ATP10B: variants seen among roughly 807,000 people sequenced by gnomAD.
ATP10B encodes phospholipid-transporting ATPase VB.
In ATP10B, 122 loss-of-function variants were observed where a neutral mutation model predicts 141.2. The ratio of observed to expected loss-of-function variants is 0.86; its 90% CI spans 0.75 to 1.00. The LOEUF (loss-of-function observed/expected upper bound fraction) is 1.00, where lower values mean the gene tolerates loss of function less well. Ranked by LOEUF, ATP10B falls within the 50% of genes least tolerant of loss-of-function variation. ATP10B has a pLI of 0.00. For missense variants in ATP10B, 1,876 were observed against 1,825.3 expected (o/e 1.03, Z -0.51); for synonymous variants, 685 against 692.0 (o/e 0.99, Z 0.16).
intron 9 of ATP10B, among the ~76,000 whole-genome samples, chr5:160,642,931 C>T (rs1759980657): frequency 6.6e-6 from 1 of 152,210 alleles, no homozygotes; most frequent in Non-Finnish European, 1.5e-5. Context: ...ACTCCCATCA[C>T]CTACTCAAGG....
intron 1 of ATP10B, among the ~76,000 whole-genome samples, chr5:160,819,963 A>G (rs1327558050): frequency 2.0e-5 from 3 of 152,054 alleles, no homozygotes; most frequent in Non-Finnish European, 4.4e-5. Context: ...TATCTTAAAG[A>G]CCAAAGAAAC....
chr5:160,760,428 C>T (rs1768947852), intron 2 of ATP10B, among the ~76,000 whole-genome samples: 1 of 152,174 alleles, frequency 6.6e-6, no homozygotes, highest in Non-Finnish European at 1.5e-5. Context: ...GTTGGCAAAA[C>T]AAGGGATTTC....
intron 7 of ATP10B, 137 bp from the exon 8 acceptor site, chr5:160,649,393 G>C: frequency 1.6e-6 from 1 of 643,096 alleles, no homozygotes; most frequent in East Asian, 2.9e-5. Context: ...TAGTTGTAAT[G>C]TGTCAGAAAA....
In ATP10B at chr5:160,565,872, A is replaced by T; in HGVS notation, c.3967T>A (p.Cys1323Ser). ...GCTTTTGAGATTAGAGACTTCCCACAAGTTCCTTGCAGAGACAGGAAAAAG... is the reference window on the plus strand; with the variant it reads ...GCTTTTGAGATTAGAGACTTCCCACTAGTTCCTTGCAGAGACAGGAAAAAG... ...RYFFLSLQGT[C>S]GKSLISKAQK... The change falls in exon 26 of 26, where the codon TGT (cysteine) becomes AGT (serine). Residue 1323 changes from cysteine (C) to serine (S), a missense_variant. Cys to Ser is a moderately radical substitution (Grantham distance 112). Transcript: ENST00000327245. The T allele has an allele frequency of 6.2e-7, 1 of 1,613,164 alleles. No homozygotes were observed. The highest frequency in any genetic ancestry group is 8.5e-7 in the Non-Finnish European group (1 of 1,179,714).
chr5:160,663,267 G>C (rs1414107777), intron 7 of ATP10B, among the ~76,000 whole-genome samples: 8 of 152,268 alleles, frequency 5.3e-5, no homozygotes, highest in South Asian at 4.1e-4. Flanking sequence ...AATACCATTT[G>C]ACCCAGCCAT....
At chr5:160,798,961 A>G (rs1277749824) in intron 1 of ATP10B, among the ~76,000 whole-genome samples, 1 of 152,020 alleles carries the variant, frequency 6.6e-6, no homozygotes, top group African/African-American at 2.4e-5. Context: ...CATGTTAGCC[A>G]GGCTGGTCTT....
At position 160,687,886 on chromosome 5, in the gene ATP10B, G is replaced by T. The variant is rs780552378; in HGVS notation, c.189C>A (p.Ser63=). ...AGGTTCTGTTGCCAGGGTATCTCCT[G>T]GAGACCTCTTCCCAATCTTGATGGA... ...SIFHQDWEEV[S]RRYPGNRTCT... The change falls in exon 5 of 26, where the codon TCC becomes TCA. Residue 63 remains serine, a synonymous_variant. Coordinates refer to ENST00000327245, the MANE Select transcript of ATP10B (RefSeq NM_025153.3). The T allele has an allele frequency of 3.7e-6, 6 of 1,614,034 alleles. No homozygotes were observed. In the Admixed American group the frequency reaches 6.7e-5, roughly 18 times the overall value.
intron 2 of ATP10B, among the ~76,000 whole-genome samples, chr5:160,773,254 G>C (rs951383527): frequency 5.9e-5 from 9 of 152,198 alleles, no homozygotes; most frequent in Admixed American, 2.0e-4. Context: ...AATAGTCGTA[G>C]TCTTAGCTAA....
At chr5:160,612,594 C>T (rs1426719817) in intron 18 of ATP10B, 147 bp downstream of exon 18, 1 of 612,046 alleles carries the variant, frequency 1.6e-6, no homozygotes, top group East Asian at 2.9e-5. Context: ...CTTCCAGGGT[C>T]CTCTAGACTC....
chr5:160,880,388 T>G, the ATP10B span, among the ~76,000 whole-genome samples: 1 of 151,898 alleles, frequency 6.6e-6, no homozygotes, highest in Non-Finnish European at 1.5e-5. Context: ...GATCTATAGG[T>G]TCAATACAAT....
At chr5:160,646,676 G>C (rs970343444) in intron 8 of ATP10B, among the ~76,000 whole-genome samples, 2 of 152,140 alleles carry the variant, frequency 1.3e-5, no homozygotes, top group African/African-American at 2.4e-5. Flanking sequence ...TTGTCTCACT[G>C]TCAGTAGCTT....
At chr5:160,592,765 C>T (rs150835723) in intron 22 of ATP10B, among the ~76,000 whole-genome samples, 1,532 of 152,364 alleles carry the variant, frequency 0.01, 29 homozygotes, top group African/African-American at 0.032. Context: ...AGATTATATC[C>T]TGCACATGGC....
At chr5:160,668,670 T>C (rs2127722921) in intron 7 of ATP10B, among the ~76,000 whole-genome samples, 1 of 152,302 alleles carries the variant, frequency 6.6e-6, no homozygotes, top group South Asian at 2.1e-4. Context: ...GTGGTGGTGG[T>C]TTCCATTTCC....
chr5:160,744,268 G>A (rs1767661336), intron 2 of ATP10B, among the ~76,000 whole-genome samples: 1 of 152,104 alleles, frequency 6.6e-6, no homozygotes, highest in South Asian at 2.1e-4. Flanking sequence ...AGGCTCAGAG[G>A]CCCAGGATTG....
At chr5:160,915,183 G>A in the ATP10B span, among the ~76,000 whole-genome samples, 1 of 152,232 alleles carries the variant, frequency 6.6e-6, no homozygotes, top group South Asian at 2.1e-4. Context: ...TCAAAAATAT[G>A]ATGAAATAAC....
At chr5:160,745,122 A>C (rs1243136981) in intron 2 of ATP10B, among the ~76,000 whole-genome samples, 2 of 152,226 alleles carry the variant, frequency 1.3e-5, no homozygotes, top group African/African-American at 2.4e-5. Flanking sequence ...CAAGGCAAGG[A>C]TTTGCTGCTG....
the ATP10B span, among the ~76,000 whole-genome samples, chr5:160,885,644 CTG>C: frequency 6.6e-6 from 1 of 152,198 alleles, no homozygotes; most frequent in East Asian, 1.9e-4. Context: ...TAGAATGAGT[CTG>C]TCTTTGCTCT....
chr5:160,762,846 A>T (rs987967716), intron 2 of ATP10B, among the ~76,000 whole-genome samples: 1 of 130,584 alleles, frequency 7.7e-6, no homozygotes, highest in Non-Finnish European at 1.7e-5. Flanking sequence ...ACTCACATAA[A>T]CTTAAGATAA....
chr5:160,665,905 T>G (rs1762291209), intron 7 of ATP10B, among the ~76,000 whole-genome samples: 2 of 152,192 alleles, frequency 1.3e-5, no homozygotes. Flanking sequence ...CAAGAGCCAT[T>G]AATACTTATT....
Sources: allele counts gnomAD v4.1 joint callset (sites outside exome capture counted in the v4.1 genomes callset), GRCh38; gene constraint gnomAD v4.1.1; transcripts MANE v1.5; gene names NCBI Gene and HGNC (gene_info 2026-07-23, HGNC 2026-07-21).